FSTL5: variants seen among roughly 807,000 people sequenced by gnomAD.
FSTL5 encodes the protein follistatin-related protein 5.
FSTL5 carries 62 observed loss-of-function variants against 89.1 expected under a neutral mutation model. The ratio of observed to expected loss-of-function variants is 0.70; its 90% confidence interval spans 0.57 to 0.86. FSTL5 has a LOEUF of 0.86. FSTL5 is among the 40% of genes least tolerant of loss of function. FSTL5 has a pLI of 0.00. For synonymous variants in FSTL5, 383 were observed against 346.2 expected, an observed-to-expected ratio of 1.11 and a Z score of -1.18; for missense variants, 1,057 against 1,001.6, an observed-to-expected ratio of 1.06 and a Z score of -0.75.
rs1560894833 is a variant in FSTL5 at position 161,437,570 on chromosome 4, A to AAAAAAAAAAC, written c.1841+17433_1841+17434insGTTTTTTTTT. ...GACAGAGTGAGACTCCGTCTCAAAA[A>AAAAAAAAAAC]AAAAAAAAAAAACGAGGTCAGAAAA... On this transcript the variant is annotated intron_variant, in intron 15 of 15. Coordinates refer to ENST00000306100, the MANE Select transcript of FSTL5 (RefSeq NM_020116.5). 2.4e-4 allele frequency among the ~76,000 whole-genome samples: 27 copies of AAAAAAAAAAC among 113,018 alleles called. 5 individuals are homozygous for AAAAAAAAAAC. Among genetic ancestry groups the AAAAAAAAAAC allele is most frequent in the Non-Finnish European group, 5.8e-4 (27 of 46,772 alleles). 74.1% of individuals were successfully genotyped at this position (113,018 alleles called of 152,430 possible). A position where few individuals can be genotyped will look rare whatever the true frequency, so the allele number is the denominator to read the frequency against.
At chr4:161,578,502 C>T (rs1414244969) in intron 8 of FSTL5, among the ~76,000 whole-genome samples, 5 of 151,984 alleles carry the variant, frequency 3.3e-5, no homozygotes, top group Admixed American at 1.3e-4. Flanking sequence ...ATCAGACACA[C>T]ATACCTATAA....
At chr4:161,895,800 A>G (rs1414868317) in intron 4 of FSTL5, among the ~76,000 whole-genome samples, 1 of 152,140 alleles carries the variant, frequency 6.6e-6, no homozygotes, top group East Asian at 1.9e-4. Context: ...TGCATGTGTT[A>G]GTGAGTGATT....
chr4:161,669,084 C>T (rs1167351809), intron 6 of FSTL5, among the ~76,000 whole-genome samples: 1 of 141,840 alleles, frequency 7.1e-6, no homozygotes, highest in Non-Finnish European at 1.5e-5. Context: ...GGCCCTCCAG[C>T]CTGGGTGACA....
chr4:161,987,804 G>A, intron 3 of FSTL5, among the ~76,000 whole-genome samples: 1 of 151,520 alleles, frequency 6.6e-6, no homozygotes, highest in African/African-American at 2.4e-5. Context: ...CCATGTCTGA[G>A]CACACCTTCA....
At chr4:161,569,887 A>C in intron 8 of FSTL5, among the ~76,000 whole-genome samples, 1 of 152,032 alleles carries the variant, frequency 6.6e-6, no homozygotes, top group East Asian at 1.9e-4. Context: ...AGTGAATAAA[A>C]CCTGAGTTGG....
At chr4:161,950,453 C>T (rs1041326029) in intron 3 of FSTL5, among the ~76,000 whole-genome samples, 2 of 152,274 alleles carry the variant, frequency 1.3e-5, no homozygotes, top group East Asian at 3.9e-4. Context: ...AAATTCCTCT[C>T]GACCTTCCCA....
At chr4:161,727,046 C>A (rs916399751) in intron 6 of FSTL5, among the ~76,000 whole-genome samples, 16 of 152,078 alleles carry the variant, frequency 1.1e-4, no homozygotes, top group African/African-American at 2.9e-4. Context: ...AAAATTGAGG[C>A]ATTTTAAAGA....
At chr4:162,002,759 T>TCAATATAGCTCA (rs1366039812) in intron 3 of FSTL5, among the ~76,000 whole-genome samples, 1 of 151,994 alleles carries the variant, frequency 6.6e-6, no homozygotes, top group Admixed American at 6.6e-5. Context: ...ATTTTTTAGC[T>TCAATATAGCTCA]ATATTGGTAA....
At chr4:161,457,079 T>C (rs1220380700) in intron 14 of FSTL5, among the ~76,000 whole-genome samples, 1 of 152,186 alleles carries the variant, frequency 6.6e-6, no homozygotes, top group Non-Finnish European at 1.5e-5. Flanking sequence ...AAGTTGATTA[T>C]GGCTGAGGCA....
At chr4:161,528,528 G>A (rs1731306831) in intron 10 of FSTL5, among the ~76,000 whole-genome samples, 1 of 142,832 alleles carries the variant, frequency 7.0e-6, no homozygotes, top group African/African-American at 2.5e-5. Context: ...AATCTGGGCT[G>A]TTGGCACAGA....
chr4:161,809,080 T>G (rs1458066940), intron 4 of FSTL5, among the ~76,000 whole-genome samples: 1 of 151,964 alleles, frequency 6.6e-6, no homozygotes, highest in Admixed American at 6.6e-5. Context: ...TTAGCCAGGC[T>G]TGGTGGCGGC....
intron 7 of FSTL5, among the ~76,000 whole-genome samples, chr4:161,635,319 C>T (rs1735648582): frequency 6.6e-6 from 1 of 152,044 alleles, no homozygotes; most frequent in Non-Finnish European, 1.5e-5. Context: ...ACCTGGGAGG[C>T]GGAGGTTCCA....
At chr4:162,057,544 T>A (rs567864658) in intron 2 of FSTL5, among the ~76,000 whole-genome samples, 1 of 152,346 alleles carries the variant, frequency 6.6e-6, no homozygotes, top group East Asian at 1.9e-4. Context: ...ACTACTTTTC[T>A]TAGAGGCAAT....
intron 1 of FSTL5, among the ~76,000 whole-genome samples, chr4:162,115,855 T>C (rs1444790520): frequency 1.3e-5 from 2 of 152,224 alleles, no homozygotes; most frequent in East Asian, 1.9e-4. Context: ...AATTACGTTA[T>C]TTAGTAGATT....
intron 6 of FSTL5, among the ~76,000 whole-genome samples, chr4:161,731,377 T>C: frequency 6.6e-6 from 1 of 152,098 alleles, no homozygotes; most frequent in Non-Finnish European, 1.5e-5. Flanking sequence ...AGGGGCCTAA[T>C]GGGAGGTGAT....
chr4:161,751,309 T>C (rs1306467047), intron 6 of FSTL5, among the ~76,000 whole-genome samples: 1 of 152,158 alleles, frequency 6.6e-6, no homozygotes, highest in African/African-American at 2.4e-5. Context: ...ATTTACTATG[T>C]TTAGGAGCAA....
intron 4 of FSTL5, among the ~76,000 whole-genome samples, chr4:161,856,677 T>A (rs910050745): frequency 6.7e-6 from 1 of 149,486 alleles, no homozygotes; most frequent in Non-Finnish European, 1.5e-5. Context: ...TATATATATA[T>A]AAATATGTAT....
At chr4:161,642,429 G>C (rs527265345) in intron 7 of FSTL5, among the ~76,000 whole-genome samples, 21 of 152,196 alleles carry the variant, frequency 1.4e-4, no homozygotes, top group South Asian at 6.2e-4. Context: ...CATGATAACT[G>C]TATGCCTTCT....
In FSTL5 at chr4:162,143,180, A is replaced by G. The variant is rs1732817007; in HGVS notation, c.-17+20435T>C. ...ACAATACCTCTATTTTTTTTCCATA[A>G]TTAGCCATCTGTAATTTTTATTTAC... On this transcript the variant is annotated intron_variant, in intron 1 of 15. Transcript: ENST00000306100. Among the ~76,000 whole-genome samples the G allele has an allele frequency of 2.6e-5, 4 of 151,856 alleles. No homozygotes were observed. In the South Asian group the frequency reaches 8.3e-4, roughly 31 times the overall value.
Sources: gnomAD v4.1 joint callset for allele counts (sites outside exome capture counted in the v4.1 genomes callset) on GRCh38, gnomAD v4.1.1 for gene constraint, MANE v1.5 for transcripts, NCBI Gene and HGNC (gene_info 2026-07-23, HGNC 2026-07-21) for gene names.